ZNF329: variants seen among roughly 807,000 people sequenced by gnomAD.
The protein encoded by ZNF329 is zinc finger protein 329.
ZNF329 carries 15 observed loss-of-function variants against 26.6 expected under a neutral mutation model. The observed-to-expected ratio is 0.56, with a 90% confidence interval of 0.38 to 0.87. The LOEUF (loss-of-function observed/expected upper bound fraction) is 0.87, where lower values mean the gene tolerates loss of function less well. Among genes scored for constraint, ZNF329 ranks in the 40% least tolerant of loss-of-function variants. The pLI, the probability that ZNF329 is intolerant of heterozygous loss-of-function variation, is 0.00. For missense variants in ZNF329, 651 were observed against 651.9 expected (o/e 1.00, Z 0.02); for synonymous variants, 239 against 233.5 (o/e 1.02, Z -0.21).
At chr19:58,142,688 C>T (rs973067099) in intron 2 of ZNF329, 27 bp from the exon 3 acceptor site, 1 of 152,656 alleles carries the variant, frequency 6.6e-6, no homozygotes, top group Non-Finnish European at 1.5e-5. Flanking sequence ...ATAATGTTTA[C>T]TTTACTTGTT....
chr19:58,131,850 C>T (rs1485813385), intron 3 of ZNF329, among the ~76,000 whole-genome samples: 1 of 151,832 alleles, frequency 6.6e-6, no homozygotes. Context: ...GGTGAAACCC[C>T]GTCTCTATTA....
At chr19:58,137,169 C>T (rs57656768) in intron 3 of ZNF329, 6,562 of 151,976 alleles carry the variant, frequency 0.043, 274 homozygotes, top group East Asian at 0.13. Context: ...AAAAGAAGAC[C>T]GAAGACTAGT....
At chr19:58,136,008 G>A (rs2146085525) in intron 3 of ZNF329, among the ~76,000 whole-genome samples, 1 of 152,144 alleles carries the variant, frequency 6.6e-6, no homozygotes, top group East Asian at 1.9e-4. Flanking sequence ...AGAGGCAGGT[G>A]GATCACGAGG....
intron 1 of ZNF329, among the ~76,000 whole-genome samples, chr19:58,146,176 A>G (rs1039849345): frequency 6.6e-6 from 1 of 152,148 alleles, no homozygotes; most frequent in African/African-American, 2.4e-5. Context: ...TTCTGTATCA[A>G]TAATAAAGTA....
rs45577535 is a variant in ZNF329, at chr19:58,128,887, G to A, written c.617C>T (p.Thr206Ile). Reference protein sequence around the residue: ...NLPGEKQYRCTECGKCFKRNS... With the variant: ...NLPGEKQYRCIECGKCFKRNS... ...CCGTTTGAAGCATTTGCCACATTCA[G>A]TACATCTATATTGTTTCTCTCCAGG... is the stretch of plus-strand genomic sequence containing the variant. The change falls in exon 4 of 4, where the codon ACT (threonine) becomes ATT (isoleucine). Residue 206 changes from threonine (T) to isoleucine (I), a missense_variant. By Grantham distance (89) the Thr-to-Ile change is moderately conservative. Transcript: ENST00000598312. 65 of 1,614,068 alleles carry A rather than the reference G, an allele frequency of 4.0e-5. No homozygotes were observed. Among genetic ancestry groups the A allele is most frequent in the Non-Finnish European group, 5.3e-5 (62 of 1,180,008 alleles).
intron 1 of ZNF329, among the ~76,000 whole-genome samples, chr19:58,148,639 G>A (rs1050554537): frequency 1.3e-5 from 2 of 152,104 alleles, no homozygotes; most frequent in African/African-American, 4.8e-5. Context: ...GACTGCTTAA[G>A]ACCAGGAGTT....
At chr19:58,147,757 C>G (rs1467652340) in intron 1 of ZNF329, among the ~76,000 whole-genome samples, 2 of 96,392 alleles carry the variant, frequency 2.1e-5, no homozygotes, top group Non-Finnish European at 4.2e-5. Context: ...CCGCCCCGTC[C>G]GGGAGGGAGG....
chr19:58,139,175 T>C (rs1465826910), intron 3 of ZNF329, among the ~76,000 whole-genome samples: 1 of 151,984 alleles, frequency 6.6e-6, no homozygotes, highest in African/African-American at 2.4e-5. Context: ...GGAATGTCCA[T>C]TTCATCCATA....
chr19:58,128,845 A>G lies in ZNF329; in HGVS notation c.659T>C (p.Leu220Ser), dbSNP rs1488223203. The change falls in exon 4 of 4, where the codon TTG (leucine) becomes TCG (serine). Residue 220 changes from leucine to serine, a missense_variant. Physicochemically the swap from Leu to Ser is moderately radical, Grantham distance 145. Transcript: ENST00000598312. ...CTCTCCGGTGTGAGTTCGGTGATGC[A>G]AAACAAGAGAAGAGTTCCGTTTGAA... ...KCFKRNSSLV[L>S]HHRTHTGEKP... The G allele has an allele frequency of 6.2e-7, 1 of 1,611,086 alleles. No individual in the cohort carries two copies. Among genetic ancestry groups the G allele is most frequent in the East Asian group, 2.2e-5 (1 of 44,864 alleles).
intron 1 of ZNF329, among the ~76,000 whole-genome samples, chr19:58,149,605 A>G (rs1351851455): frequency 1.3e-5 from 2 of 152,194 alleles, no homozygotes; most frequent in African/African-American, 4.8e-5. Flanking sequence ...AGAGAGGTAA[A>G]CAAGCAGTAG....
In ZNF329 at chr19:58,128,805, A is replaced by G. The variant is rs1471322666; in HGVS notation, c.699T>C (p.Cys233=). 12 of 1,603,230 alleles carry G rather than the reference A, an allele frequency of 7.5e-6. No homozygotes were observed. In the East Asian group the frequency reaches 1.3e-4, roughly 18 times the overall value. ...RTHTGEKPYT[C]NECGKSFSKN... The stretch of plus-strand genomic sequence containing the variant: ...TGGAGAAGGACTTTCCACACTCATT[A>G]CAAGTATAAGGCTTCTCTCCGGTGT... Residue 233 remains cysteine, a synonymous_variant, in exon 4 of 4, where the codon TGT becomes TGC. Coordinates refer to ENST00000598312, the MANE Select transcript of ZNF329 (RefSeq NM_024620.4).
chr19:58,150,319 G>A (rs1218955060), intron 1 of ZNF329, among the ~76,000 whole-genome samples: 1 of 152,190 alleles, frequency 6.6e-6, no homozygotes, highest in Non-Finnish European at 1.5e-5. Flanking sequence ...TTCAGCCGGA[G>A]GCCGACCCAA....
chr19:58,126,941 C>G lies in ZNF329; in HGVS notation c.*937G>C, dbSNP rs963778742. 6.6e-6 allele frequency: 1 copy of G among 152,200 alleles called. No individual in the cohort carries two copies. The highest frequency in any genetic ancestry group is 2.4e-5 in the African/African-American group (1 of 41,456). 9.4% of individuals were successfully genotyped at this position (152,200 alleles called of 1,614,324 possible). On this transcript the variant is annotated 3_prime_UTR_variant, in exon 4 of 4. Transcript: ENST00000598312. ...GTGCTAGGATTACAGGCGTGAGCCACCACATCTGGCCTGCTTGTTTCAGTC... is the reference window on the plus strand; with the variant it reads ...GTGCTAGGATTACAGGCGTGAGCCAGCACATCTGGCCTGCTTGTTTCAGTC...
rs1021922349 is a variant in ZNF329, at chr19:58,138,428, C to G, written c.-9+4129G>C. ...ATTTACTTTCAAGTCCAGGCCAAGG[C>G]CTTAGACACTTGCTATGTACACAGC... On this transcript the variant is annotated intron_variant, in intron 3 of 3. Transcript: ENST00000598312. Among the ~76,000 whole-genome samples the G allele has an allele frequency of 3.3e-5, 5 of 152,290 alleles. No homozygotes were observed. In the East Asian group the frequency reaches 9.6e-4, roughly 29 times the overall value.
At chr19:58,139,501 T>C (rs925394654) in intron 3 of ZNF329, among the ~76,000 whole-genome samples, 3 of 152,190 alleles carry the variant, frequency 2.0e-5, no homozygotes, top group African/African-American at 7.2e-5. Flanking sequence ...GGTTTGCAGA[T>C]GGCCACCTTC....
intron 3 of ZNF329, chr19:58,132,808 CTTTTTCT>C (rs1368060441): frequency 3.0e-5 from 2 of 66,014 alleles, no homozygotes; most frequent in Non-Finnish European, 1.1e-4. Flanking sequence ...GATAGATGGT[CTTTTTCT>C]TTTTTCTTTT....
In ZNF329 at chr19:58,128,967, A is replaced by G; in HGVS notation, c.537T>C (p.Asn179=). 6.2e-7 allele frequency: 1 copy of G among 1,613,320 alleles called. No individual in the cohort carries two copies. Among genetic ancestry groups the G allele is most frequent in the South Asian group, 1.1e-5 (1 of 91,020 alleles). Residue 179 remains asparagine (N), a synonymous_variant, in exon 4 of 4, where the codon AAT becomes AAC. Transcript: ENST00000598312. ...AGCTCAGAGTAAAGATGTTCTCAAA[A>G]TTCTTACCTTCATACGATTTCTTGC... ...KRGKKSYEGK[N]FENIFTLSSS... is the part of the protein sequence containing the mutation.
chr19:58,148,718 G>A (rs932988910), intron 1 of ZNF329, among the ~76,000 whole-genome samples: 35 of 152,026 alleles, frequency 2.3e-4, no homozygotes, highest in African/African-American at 8.2e-4. Flanking sequence ...AAATAAGAAC[G>A]TTACTTTTCT....
chr19:58,133,705 A>G (rs570657014), intron 3 of ZNF329, among the ~76,000 whole-genome samples: 4 of 152,246 alleles, frequency 2.6e-5, no homozygotes, highest in African/African-American at 9.6e-5. Context: ...ATTGATGAAT[A>G]TGATGAATGT....
Sources: gnomAD v4.1 joint callset for allele counts (sites outside exome capture counted in the v4.1 genomes callset) on GRCh38, gnomAD v4.1.1 for gene constraint, MANE v1.5 for transcripts, NCBI Gene and HGNC (gene_info 2026-07-23, HGNC 2026-07-21) for gene names.